The following ADAM19 variants were observed in gnomAD, a reference collection of about 807,000 sequenced individuals.
ADAM19 encodes the protein ADAM metallopeptidase domain 19.
In ADAM19, 65 loss-of-function variants were observed where a neutral mutation model predicts 114.7. The ratio of observed to expected loss-of-function variants is 0.57; its 90% CI spans 0.46 to 0.70. The LOEUF (loss-of-function observed/expected upper bound fraction) is 0.70. Among genes scored for constraint, ADAM19 ranks in the 30% least tolerant of loss-of-function variants. The pLI is 0.00. For synonymous variants in ADAM19, 466 were observed against 460.5 expected, an observed-to-expected ratio of 1.01 and a Z score of -0.15; for missense variants, 1,063 against 1,204.7, an observed-to-expected ratio of 0.88 and a Z score of 1.74.
intron 22 of ADAM19, 144 bp downstream of exon 22, chr5:157,481,647 T>C (rs370655779): frequency 5.0e-5 from 78 of 1,551,264 alleles, no homozygotes; most frequent in Non-Finnish European, 6.5e-5. Context: ...CCAAGAAACA[T>C]GAATGTTTTG....
At position 157,564,387 on chromosome 5, in the gene ADAM19, G is replaced by A. The variant is rs1757595327; in HGVS notation, c.237C>T (p.Asp79=). Residue 79 remains aspartate (D), a synonymous_variant, in exon 3 of 23, where the codon GAC becomes GAT. Transcript: ENST00000257527. Reference sequence around the variant, plus strand: ...AGTCCACTTACTCATTCTTCTCCAGGTCCAGGATCAGTTCTCGCCCCTCAG... The same window carrying A: ...AGTCCACTTACTCATTCTTCTCCAGATCCAGGATCAGTTCTCGCCCCTCAG... ...VMAEGRELIL[D]LEKNEQLFAP... 1 of 1,614,096 alleles carries A rather than the reference G, an allele frequency of 6.2e-7. No individual in the cohort carries two copies. Among genetic ancestry groups the A allele is most frequent in the Non-Finnish European group, 8.5e-7 (1 of 1,179,980 alleles).
At chr5:157,481,453 C>A in intron 22 of ADAM19, 1 of 783,172 alleles carries the variant, frequency 1.3e-6, no homozygotes, top group Non-Finnish European at 2.0e-6. Context: ...CTCTTCACAA[C>A]AACCTGATGG....
intron 20 of ADAM19, among the ~76,000 whole-genome samples, 182 bp from the exon 21 acceptor site, chr5:157,488,671 A>T (rs1044741442): frequency 6.6e-6 from 1 of 152,156 alleles, no homozygotes; most frequent in African/African-American, 2.4e-5. Flanking sequence ...ACCAAATAAC[A>T]TGTCTCTCCA....
At chr5:157,554,716 C>T (rs1236335848) in intron 3 of ADAM19, among the ~76,000 whole-genome samples, 1 of 152,200 alleles carries the variant, frequency 6.6e-6, no homozygotes, top group African/African-American at 2.4e-5. Context: ...ATAACAGTGT[C>T]TATTTATTGT....
intron 11 of ADAM19, 56 bp downstream of exon 11, chr5:157,505,613 C>T: frequency 6.4e-7 from 1 of 1,567,906 alleles, no homozygotes; most frequent in East Asian, 2.3e-5. Context: ...CCCTGGGTCA[C>T]ACTGTCCAGG....
intron 5 of ADAM19, among the ~76,000 whole-genome samples, chr5:157,526,666 G>A (rs1756472607): frequency 1.3e-5 from 2 of 150,780 alleles, no homozygotes; most frequent in East Asian, 1.9e-4. Context: ...TGTCGCCCAA[G>A]CTGGAGTGCA....
intron 7 of ADAM19, among the ~76,000 whole-genome samples, chr5:157,516,659 G>T (rs944739283): frequency 6.6e-6 from 1 of 152,090 alleles, no homozygotes; most frequent in African/African-American, 2.4e-5. Flanking sequence ...GTAACCAAAG[G>T]ATTCTGTAGC....
intron 3 of ADAM19, among the ~76,000 whole-genome samples, chr5:157,560,081 C>T (rs1354383604): frequency 4.6e-5 from 7 of 151,384 alleles, no homozygotes; most frequent in Non-Finnish European, 1.0e-4. Context: ...CCGGCTAAAA[C>T]GGTGAAACCC....
intron 20 of ADAM19, 67 bp downstream of exon 20, chr5:157,489,035 G>GA: frequency 1.4e-6 from 2 of 1,403,362 alleles, no homozygotes; most frequent in South Asian, 2.4e-5. Flanking sequence ...ATCTCAAAAA[G>GA]AAAAATACAG....
rs945186510 is a variant in ADAM19 at position 157,575,771 on chromosome 5, C to T, written c.-75G>A. ...TGCCCACTGCCCGGCGGTGGAGGCG[C>T]GTCTGGAACCCCCCGGCTCGCCCCG... is the stretch of plus-strand genomic sequence containing the variant. On this transcript the variant is annotated 5_prime_UTR_variant, in exon 1 of 23. Coordinates refer to ENST00000257527, the MANE Select transcript of ADAM19 (RefSeq NM_033274.5). The T allele has an allele frequency of 7.3e-5, 82 of 1,119,714 alleles. No homozygotes were observed. Among genetic ancestry groups the T allele is most frequent in the Non-Finnish European group, 9.1e-5 (80 of 882,626 alleles). 69.4% of individuals were successfully genotyped at this position (1,119,714 alleles called of 1,614,324 possible). A position where few individuals can be genotyped will look rare whatever the true frequency, so the allele number is the denominator to read the frequency against.
At chr5:157,523,672 G>A (rs1019506821) in intron 5 of ADAM19, among the ~76,000 whole-genome samples, 18 of 152,214 alleles carry the variant, frequency 1.2e-4, no homozygotes, top group Admixed American at 2.6e-4. Context: ...TGTATGGCTC[G>A]CAGAACTGTA....
Position 157,536,187 on chromosome 5 carries a change from C to A in ADAM19, c.330+1726G>T, listed in dbSNP as rs143573910. ...GCCCCTGAGCTACCCAGTTACTATGCGCCACGTCTCTTGGATCTATCAAAA... is the reference window on the plus strand; with the variant it reads ...GCCCCTGAGCTACCCAGTTACTATGAGCCACGTCTCTTGGATCTATCAAAA... On this transcript the variant is annotated intron_variant, in intron 4 of 22. Transcript: ENST00000257527. Among the ~76,000 whole-genome samples the A allele has an allele frequency of 7.9e-5, 12 of 152,304 alleles. No homozygotes were observed. The East Asian group carries it at 2.3e-3, about 29-fold the overall frequency.
chr5:157,512,243 T>C (rs1755945505), intron 8 of ADAM19, among the ~76,000 whole-genome samples: 1 of 152,166 alleles, frequency 6.6e-6, no homozygotes, highest in Non-Finnish European at 1.5e-5. Context: ...TCCAGAGCCA[T>C]CTAGGGCAGA....
At chr5:157,537,161 C>T (rs765674681) in intron 4 of ADAM19, among the ~76,000 whole-genome samples, 10 of 152,192 alleles carry the variant, frequency 6.6e-5, no homozygotes, top group African/African-American at 9.7e-5. Context: ...AGGTGTCCCT[C>T]GGGGTCGGGG....
intron 21 of ADAM19, among the ~76,000 whole-genome samples, chr5:157,485,524 A>T (rs1754905440): frequency 6.6e-6 from 1 of 152,230 alleles, no homozygotes; most frequent in African/African-American, 2.4e-5. Flanking sequence ...GCATCATGTC[A>T]CCACTGTCCT....
At chr5:157,565,213 G>A (rs868073984) in intron 2 of ADAM19, among the ~76,000 whole-genome samples, 2 of 151,784 alleles carry the variant, frequency 1.3e-5, no homozygotes, top group African/African-American at 2.4e-5. Context: ...GTTCGACATC[G>A]CTAATAAACC....
At chr5:157,508,385 G>A (rs1452605556) in intron 9 of ADAM19, among the ~76,000 whole-genome samples, 1 of 152,194 alleles carries the variant, frequency 6.6e-6, no homozygotes, top group Non-Finnish European at 1.5e-5. Context: ...GAGGCGGGCG[G>A]ATCACTTGAG....
intron 4 of ADAM19, among the ~76,000 whole-genome samples, chr5:157,536,143 C>T (rs1166996628): frequency 6.6e-6 from 1 of 152,214 alleles, no homozygotes; most frequent in African/African-American, 2.4e-5. Context: ...CTGGTCTTCA[C>T]ATTCAGCCAC....
chr5:157,553,560 T>C (rs762284975), intron 3 of ADAM19, among the ~76,000 whole-genome samples: 1 of 152,016 alleles, frequency 6.6e-6, no homozygotes, highest in Non-Finnish European at 1.5e-5. Context: ...ATTTGTGGAG[T>C]GAGAGGTACA....
Sources: allele counts gnomAD v4.1 joint callset (sites outside exome capture counted in the v4.1 genomes callset), GRCh38; gene constraint gnomAD v4.1.1; transcripts MANE v1.5; gene names NCBI Gene and HGNC (gene_info 2026-07-23, HGNC 2026-07-21).